MANBA: variants seen among roughly 807,000 people sequenced by gnomAD.
The protein encoded by MANBA is mannosidase beta.
In MANBA, 83 loss-of-function variants were observed where a neutral mutation model predicts 111.1. The ratio of observed to expected loss-of-function variants is 0.75; its 90% CI spans 0.63 to 0.90. MANBA has a LOEUF of 0.90. Ranked by LOEUF, MANBA falls within the 40% of genes least tolerant of loss-of-function variation. The pLI is 0.00. For synonymous variants in MANBA, 370 were observed against 378.7 expected, an observed-to-expected ratio of 0.98 and a Z score of 0.27; for missense variants, 1,036 against 1,069.0, an observed-to-expected ratio of 0.97 and a Z score of 0.43.
intron 1 of MANBA, among the ~76,000 whole-genome samples, chr4:102,756,447 G>A (rs1485483885): frequency 6.6e-6 from 1 of 152,022 alleles, no homozygotes; most frequent in Non-Finnish European, 1.5e-5. Flanking sequence ...CACAGGATGG[G>A]GAACATCACA....
At position 102,674,241 on chromosome 4, in the gene MANBA, T is replaced by C. The variant is rs75143054; in HGVS notation, c.961-171A>G. On this transcript the variant is annotated intron_variant, in intron 7 of 16. Transcript: ENST00000647097. The stretch of plus-strand genomic sequence containing the variant: ...TGCACATTTCAGGAATATACACATA[T>C]AAATTATTGCTAGCATCCGTTATTT... Among the ~76,000 whole-genome samples, 1,459 of 152,268 alleles carry C rather than the reference T, an allele frequency of 9.6e-3. 22 individuals carry two copies. Among genetic ancestry groups the C allele is most frequent in the African/African-American group, 0.032 (1,340 of 41,552 alleles).
At chr4:102,685,134 C>G (rs1732153255) in intron 7 of MANBA, among the ~76,000 whole-genome samples, 1 of 152,030 alleles carries the variant, frequency 6.6e-6, no homozygotes, top group Non-Finnish European at 1.5e-5. Context: ...AAACAGGGGT[C>G]ATTACTGGGG....
At chr4:102,701,651 T>G (rs937058572) in intron 5 of MANBA, among the ~76,000 whole-genome samples, 6 of 151,852 alleles carry the variant, frequency 4.0e-5, no homozygotes, top group Non-Finnish European at 8.8e-5. Flanking sequence ...AATTCTGGGT[T>G]GAAAATTCTT....
At chr4:102,737,441 T>C (rs1723256061) in intron 1 of MANBA, among the ~76,000 whole-genome samples, 1 of 151,340 alleles carries the variant, frequency 6.6e-6, no homozygotes, top group Non-Finnish European at 1.5e-5. Context: ...CTGGCCTTGC[T>C]GGCTTCATGG....
intron 13 of MANBA, among the ~76,000 whole-genome samples, chr4:102,643,810 T>C (rs1258799861): frequency 1.3e-5 from 2 of 152,166 alleles, no homozygotes; most frequent in African/African-American, 4.8e-5. Context: ...AGACATATGG[T>C]TTGTAAATTT....
At chr4:102,635,181 G>C in intron 15 of MANBA, 136 bp from the exon 16 acceptor site, 1 of 910,542 alleles carries the variant, frequency 1.1e-6, no homozygotes. Context: ...TTTAATCCCA[G>C]TCCTGCAAAA....
chr4:102,641,125 G>T (rs1729861668), intron 13 of MANBA, among the ~76,000 whole-genome samples: 1 of 152,158 alleles, frequency 6.6e-6, no homozygotes, highest in East Asian at 1.9e-4. Context: ...GGGGCAATTG[G>T]GCAGAGCTGT....
chr4:102,685,263 C>T (rs1732158756), intron 7 of MANBA, among the ~76,000 whole-genome samples: 1 of 152,082 alleles, frequency 6.6e-6, no homozygotes, highest in South Asian at 2.1e-4. Context: ...TTAAGCTTTT[C>T]ACTTATGGCT....
At chr4:102,713,851 G>A (rs1296354659) in intron 5 of MANBA, among the ~76,000 whole-genome samples, 3 of 147,810 alleles carry the variant, frequency 2.0e-5, no homozygotes, top group Non-Finnish European at 4.4e-5. Context: ...AGCCAAGATT[G>A]TGCCACTGCA....
intron 7 of MANBA, among the ~76,000 whole-genome samples, chr4:102,684,839 C>T (rs1419514743): frequency 6.6e-6 from 1 of 152,140 alleles, no homozygotes; most frequent in Non-Finnish European, 1.5e-5. Context: ...CAGGGCAGGA[C>T]AGCACGAGAT....
intron 1 of MANBA, chr4:102,729,559 A>G: frequency 1.1e-6 from 1 of 871,126 alleles, no homozygotes; most frequent in East Asian, 2.4e-5. Flanking sequence ...TACCTTGTTC[A>G]TGTAACCTTC....
At chr4:102,715,761 CAATAGAT>C (rs2110275136) in intron 4 of MANBA, among the ~76,000 whole-genome samples, 1 of 152,262 alleles carries the variant, frequency 6.6e-6, no homozygotes, top group South Asian at 2.1e-4. Flanking sequence ...TGTTACATCA[CAATAGAT>C]AACTGATACA....
At chr4:102,641,605 A>G (rs1394597642) in intron 13 of MANBA, among the ~76,000 whole-genome samples, 1 of 152,170 alleles carries the variant, frequency 6.6e-6, no homozygotes, top group African/African-American at 2.4e-5. Context: ...TTCTAAAGCA[A>G]GAATCTCACA....
intron 4 of MANBA, among the ~76,000 whole-genome samples, chr4:102,718,308 C>T (rs1722422785): frequency 6.6e-6 from 1 of 152,098 alleles, no homozygotes; most frequent in Non-Finnish European, 1.5e-5. Context: ...GCTAAATAAG[C>T]ATCTGAATGT....
intron 5 of MANBA, among the ~76,000 whole-genome samples, chr4:102,710,193 C>T (rs1319300283): frequency 6.6e-6 from 1 of 151,860 alleles, no homozygotes; most frequent in Non-Finnish European, 1.5e-5. Flanking sequence ...ATAAAAGGTA[C>T]CAAATTGGAA....
chr4:102,744,670 C>T (rs1723527659), intron 1 of MANBA, among the ~76,000 whole-genome samples: 2 of 152,208 alleles, frequency 1.3e-5, no homozygotes, highest in Non-Finnish European at 1.5e-5. Context: ...GGAGTCACCA[C>T]TTGGTTAAGT....
At chr4:102,697,617 T>G (rs557896632) in intron 5 of MANBA, among the ~76,000 whole-genome samples, 55 of 148,994 alleles carry the variant, frequency 3.7e-4, no homozygotes, top group African/African-American at 1.3e-3. Flanking sequence ...GTTTGGTTTT[T>G]TGTTCTTGCG....
At chr4:102,749,592 G>A (rs934198496) in intron 1 of MANBA, among the ~76,000 whole-genome samples, 5 of 152,216 alleles carry the variant, frequency 3.3e-5, no homozygotes, top group African/African-American at 1.2e-4. Context: ...TAGGCAGCGT[G>A]CAATGGTGAA....
chr4:102,727,444 T>G, intron 1 of MANBA: 1 of 1,351,604 alleles, frequency 7.4e-7, no homozygotes, highest in South Asian at 1.2e-5. Flanking sequence ...CAATTGCACA[T>G]GGGTCTCAGA....
Sources: allele counts gnomAD v4.1 joint callset (sites outside exome capture counted in the v4.1 genomes callset), GRCh38; gene constraint gnomAD v4.1.1; transcripts MANE v1.5; gene names NCBI Gene and HGNC (gene_info 2026-07-23, HGNC 2026-07-21).